Variants in TRIT1 observed in about 807,000 individuals in gnomAD.
The protein encoded by TRIT1 is tRNA isopentenyltransferase 1.
TRIT1 carries 43 observed loss-of-function variants against 51.2 expected under a neutral mutation model. The ratio of observed to expected loss-of-function variants is 0.84; its 90% CI spans 0.66 to 1.08. The LOEUF is 1.08. TRIT1 is among the 50% of genes least tolerant of loss of function. The pLI, the probability that TRIT1 is intolerant of heterozygous loss-of-function variation, is 0.00. For synonymous variants in TRIT1, 184 were observed against 203.9 expected (o/e 0.90, Z 0.83); for missense variants, 528 against 578.4 (o/e 0.91, Z 0.89).
intron 2 of TRIT1, among the ~76,000 whole-genome samples, chr1:39,856,491 A>T: frequency 6.7e-6 from 1 of 150,276 alleles, no homozygotes; most frequent in South Asian, 2.1e-4. Flanking sequence ...CTAGGAGAAA[A>T]AAAAAAAAAA....
intron 1 of TRIT1, 134 bp downstream of exon 1, chr1:39,883,184 A>G (rs1644315732): frequency 3.5e-6 from 3 of 866,128 alleles, no homozygotes; most frequent in Middle Eastern, 3.6e-4. Context: ...GCGGGTGCTT[A>G]GTAAGTATGG....
chr1:39,872,362 A>T (rs553544220), intron 1 of TRIT1, among the ~76,000 whole-genome samples: 10 of 152,314 alleles, frequency 6.6e-5, no homozygotes, highest in African/African-American at 2.4e-4. Context: ...TTCATAAAAC[A>T]ATGTTACTAC....
chr1:39,866,541 AC>A (rs1429851964), intron 1 of TRIT1, among the ~76,000 whole-genome samples: 4 of 152,184 alleles, frequency 2.6e-5, no homozygotes, highest in Admixed American at 1.3e-4. Flanking sequence ...TTAAAAGAAA[AC>A]TTTTTTTAAA....
chr1:39,854,778 A>C (rs1339355150), intron 2 of TRIT1, among the ~76,000 whole-genome samples: 2 of 151,932 alleles, frequency 1.3e-5, no homozygotes, highest in African/African-American at 2.4e-5. Context: ...GCTACTTTAA[A>C]TTTTTCTCTT....
intron 1 of TRIT1, among the ~76,000 whole-genome samples, chr1:39,880,196 A>AAC (rs1299458061): frequency 3.5e-5 from 4 of 115,718 alleles, no homozygotes; most frequent in African/African-American, 1.3e-4. Context: ...ACAACAACAA[A>AAC]AACAAAGTTA....
intron 5 of TRIT1, among the ~76,000 whole-genome samples, chr1:39,849,671 A>C (rs1642445319): frequency 6.6e-6 from 1 of 152,236 alleles, no homozygotes; most frequent in Non-Finnish European, 1.5e-5. Flanking sequence ...TGCTTACTGA[A>C]TGTTTGCTGG....
chr1:39,882,817 T>C (rs1644304973), intron 1 of TRIT1, among the ~76,000 whole-genome samples: 1 of 152,130 alleles, frequency 6.6e-6, no homozygotes. Context: ...CAATGGCAGA[T>C]TCAGGACTAG....
intron 10 of TRIT1, 132 bp downstream of exon 10, chr1:39,843,969 C>T: frequency 1.7e-6 from 1 of 589,332 alleles, no homozygotes; most frequent in Non-Finnish European, 3.0e-6. Flanking sequence ...TGAGCACAGG[C>T]TCTTAGAGGA....
chr1:39,860,305 T>TA (rs1643159979), intron 1 of TRIT1, among the ~76,000 whole-genome samples: 1 of 152,202 alleles, frequency 6.6e-6, no homozygotes, highest in South Asian at 2.1e-4. Context: ...AAATGGGTCA[T>TA]AAAGATGTGG....
At chr1:39,846,530 C>A (rs1642235399) in intron 8 of TRIT1, among the ~76,000 whole-genome samples, 1 of 152,140 alleles carries the variant, frequency 6.6e-6, no homozygotes, top group African/African-American at 2.4e-5. Flanking sequence ...GGAGTGTGGA[C>A]TCTGTGTCAG....
At chr1:39,858,263 C>T (rs74961750) in intron 1 of TRIT1, among the ~76,000 whole-genome samples, 110 of 152,296 alleles carry the variant, frequency 7.2e-4, no homozygotes, top group Non-Finnish European at 8.8e-4. Context: ...TTTTATCTCA[C>T]GTTTCCCTTT....
At chr1:39,876,087 G>A (rs935720956) in intron 1 of TRIT1, 3 of 147,354 alleles carry the variant, frequency 2.0e-5, no homozygotes, top group African/African-American at 7.3e-5. Context: ...GGGATCAAGA[G>A]GCCAACAGGG....
chr1:39,852,124 T>C (rs749145147), intron 4 of TRIT1, among the ~76,000 whole-genome samples: 1 of 152,134 alleles, frequency 6.6e-6, no homozygotes, highest in African/African-American at 2.4e-5. Context: ...TGTATAACCA[T>C]CAATAGAACA....
At chr1:39,866,832 AAC>A (rs1398208579) in intron 1 of TRIT1, among the ~76,000 whole-genome samples, 3 of 152,068 alleles carry the variant, frequency 2.0e-5, no homozygotes, top group Non-Finnish European at 4.4e-5. Context: ...AAAACAAAAA[AAC>A]AGTTTTAATC....
chr1:39,879,285 A>C (rs1304001861), intron 1 of TRIT1, among the ~76,000 whole-genome samples: 1 of 151,784 alleles, frequency 6.6e-6, no homozygotes, highest in Non-Finnish European at 1.5e-5. Flanking sequence ...AACAAACAAA[A>C]AACTCCCTAC....
chr1:39,844,761 C>T, intron 8 of TRIT1, 121 bp from the exon 9 acceptor site: 2 of 672,228 alleles, frequency 3.0e-6, no homozygotes, highest in Non-Finnish European at 5.3e-6. Flanking sequence ...TCTGACCATG[C>T]TGTTAATTCT....
At chr1:39,853,403 G>T (rs1485167781) in intron 3 of TRIT1, among the ~76,000 whole-genome samples, 12 of 147,716 alleles carry the variant, frequency 8.1e-5, no homozygotes, top group Admixed American at 2.7e-4. Flanking sequence ...AATCGCATCT[G>T]TTTTTTTTTT....
intron 5 of TRIT1, among the ~76,000 whole-genome samples, chr1:39,849,783 A>C (rs1311772662): frequency 6.6e-6 from 1 of 152,258 alleles, no homozygotes; most frequent in African/African-American, 2.4e-5. Context: ...AGAACATTCT[A>C]GCCTCCAGCC....
intron 4 of TRIT1, 52 bp downstream of exon 4, chr1:39,852,679 A>C: frequency 6.3e-7 from 1 of 1,585,094 alleles, no homozygotes; most frequent in Non-Finnish European, 8.6e-7. Flanking sequence ...TGAAGAACTG[A>C]CTGCTCTCTA....
Sources: gnomAD v4.1 joint callset for allele counts (sites outside exome capture counted in the v4.1 genomes callset) on GRCh38, gnomAD v4.1.1 for gene constraint, MANE v1.5 for transcripts, NCBI Gene and HGNC (gene_info 2026-07-23, HGNC 2026-07-21) for gene names.